UTP4: variants seen among roughly 807,000 people sequenced by gnomAD.
UTP4 encodes the protein UTP4 small subunit processome component.
In UTP4, 45 loss-of-function variants were observed where a neutral mutation model predicts 82.4. The ratio of observed to expected loss-of-function variants is 0.55; its 90% CI spans 0.43 to 0.70. The LOEUF is 0.70. Ranked by LOEUF, UTP4 falls within the 30% of genes least tolerant of loss-of-function variation. The probability of loss-of-function intolerance (pLI) is 0.00; values close to 1 mark genes in which losing one functional copy is unlikely to be tolerated. For synonymous variants in UTP4, 348 were observed against 300.3 expected (o/e 1.16, Z -1.64); for missense variants, 819 against 858.3 (o/e 0.95, Z 0.57).
chr16:69,168,644 T>C (rs1963762862), intron 16 of UTP4, among the ~76,000 whole-genome samples, 177 bp from the exon 17 acceptor site: 1 of 152,028 alleles, frequency 6.6e-6, no homozygotes, highest in Non-Finnish European at 1.5e-5. Flanking sequence ...AAAAAAAGCT[T>C]TTATGCATTC....
chr16:69,146,995 C>G (rs1324184594), intron 6 of UTP4, among the ~76,000 whole-genome samples: 1 of 127,196 alleles, frequency 7.9e-6, no homozygotes, highest in Non-Finnish European at 1.6e-5. Context: ...GAGCGAGACT[C>G]TGCCTCAAAA....
chr16:69,167,963 T>TA (rs1314113554), intron 16 of UTP4: 3 of 151,978 alleles, frequency 2.0e-5, no homozygotes, highest in African/African-American at 7.3e-5. Flanking sequence ...GCGGTGAGTA[T>TA]GATTGCACCA....
At chr16:69,152,774 C>T (rs1252721371) in intron 8 of UTP4, among the ~76,000 whole-genome samples, 4 of 151,774 alleles carry the variant, frequency 2.6e-5, no homozygotes, top group Non-Finnish European at 5.9e-5. Context: ...TGCCCGGCCT[C>T]GGCTAATTTT....
chr16:69,140,749 A>T (rs1962937848), intron 5 of UTP4, among the ~76,000 whole-genome samples: 1 of 152,006 alleles, frequency 6.6e-6, no homozygotes, highest in East Asian at 1.9e-4. Flanking sequence ...CCTCGAGGCA[A>T]CCACTTGTGA....
At chr16:69,163,585 C>T (rs770097967) in intron 14 of UTP4, among the ~76,000 whole-genome samples, 2 of 151,806 alleles carry the variant, frequency 1.3e-5, no homozygotes, top group African/African-American at 4.8e-5. Context: ...GGAAATCAAG[C>T]CCTAATAAGA....
At chr16:69,143,156 G>A in intron 5 of UTP4, 22 bp from the exon 6 acceptor site, 1 of 1,608,914 alleles carries the variant, frequency 6.2e-7, no homozygotes, top group Non-Finnish European at 8.5e-7. Context: ...CCATTTGAAG[G>A]TGTGCTTTTC....
chr16:69,134,083 C>T (rs905817647), intron 2 of UTP4, among the ~76,000 whole-genome samples: 4 of 152,144 alleles, frequency 2.6e-5, no homozygotes, highest in African/African-American at 7.2e-5. Context: ...ACCTACATGT[C>T]TACATTTGGG....
At chr16:69,161,566 A>G (rs936514615) in intron 13 of UTP4, among the ~76,000 whole-genome samples, 2 of 152,234 alleles carry the variant, frequency 1.3e-5, no homozygotes, top group Non-Finnish European at 1.5e-5. Context: ...TCCCTATTCA[A>G]TGACACATTT....
At chr16:69,148,204 G>A (rs553313722) in intron 6 of UTP4, among the ~76,000 whole-genome samples, 1 of 152,068 alleles carries the variant, frequency 6.6e-6, no homozygotes, top group East Asian at 1.9e-4. Flanking sequence ...CTTGTGATCT[G>A]CCCGCCTCGG....
intron 2 of UTP4, among the ~76,000 whole-genome samples, chr16:69,133,920 C>T (rs1252931764): frequency 6.6e-6 from 1 of 152,188 alleles, no homozygotes; most frequent in East Asian, 1.9e-4. Context: ...AGTCTCAACA[C>T]CATTGCAGCT....
At chr16:69,146,658 C>G (rs1363892450) in intron 6 of UTP4, among the ~76,000 whole-genome samples, 1 of 150,906 alleles carries the variant, frequency 6.6e-6, no homozygotes, top group Non-Finnish European at 1.5e-5. Flanking sequence ...GTCAGGAGTT[C>G]GAGACCAGCC....
chr16:69,147,112 C>T (rs1240248406), intron 6 of UTP4, among the ~76,000 whole-genome samples: 2 of 144,602 alleles, frequency 1.4e-5, no homozygotes, highest in African/African-American at 2.6e-5. Flanking sequence ...GGGAGATAGA[C>T]GTTGCAGTGA....
intron 3 of UTP4, among the ~76,000 whole-genome samples, chr16:69,137,275 A>C (rs1192427196): frequency 6.6e-6 from 1 of 152,210 alleles, no homozygotes. Flanking sequence ...GAGTCCCTTC[A>C]GCAAGTTAAC....
At chr16:69,155,366 A>G (rs1963384438) in intron 10 of UTP4, among the ~76,000 whole-genome samples, 1 of 151,862 alleles carries the variant, frequency 6.6e-6, no homozygotes, top group Non-Finnish European at 1.5e-5. Context: ...GGGTTTCACC[A>G]TGTTGTCCAG....
intron 6 of UTP4, among the ~76,000 whole-genome samples, chr16:69,148,934 AGTTGT>A (rs1312136145): frequency 6.6e-6 from 1 of 151,704 alleles, no homozygotes; most frequent in Non-Finnish European, 1.5e-5. Context: ...TTGTGTTGTG[AGTTGT>A]GTTTTTTTGT....
Position 69,132,670 on chromosome 16 carries a change from A to T in UTP4, c.-22A>T, listed in dbSNP as rs1184509808. On this transcript the variant is annotated 5_prime_UTR_variant, in exon 1 of 17. It adds an upstream start codon to the 5' untranslated region. Transcript: ENST00000314423. The stretch of plus-strand genomic sequence containing the variant: ...GGGCGGAGAGAGGCGAGCACCGGGA[A>T]GGGGAGCGTGGGGCCGCTGGTGAGT... The T allele has an allele frequency of 2.9e-6, 1 of 343,258 alleles. No homozygotes were observed. The highest frequency in any genetic ancestry group is 5.7e-6 in the Non-Finnish European group (1 of 176,802). 21.3% of individuals were successfully genotyped at this position (343,258 alleles called of 1,614,324 possible). A position where few individuals can be genotyped will look rare whatever the true frequency, so the allele number is the denominator to read the frequency against.
intron 4 of UTP4, among the ~76,000 whole-genome samples, chr16:69,138,323 C>G (rs151149888): frequency 6.6e-6 from 1 of 151,710 alleles, no homozygotes; most frequent in African/African-American, 2.4e-5. Context: ...CTGTAATCTC[C>G]GCCTCCCGGC....
intron 5 of UTP4, among the ~76,000 whole-genome samples, chr16:69,141,136 T>C (rs1962948640): frequency 3.3e-5 from 5 of 152,238 alleles, no homozygotes; most frequent in Admixed American, 3.3e-4. Context: ...TCCACTTTTA[T>C]CTTTGTGAAT....
chr16:69,149,877 C>T (rs1963214136), intron 6 of UTP4, among the ~76,000 whole-genome samples: 1 of 151,982 alleles, frequency 6.6e-6, no homozygotes, highest in South Asian at 2.1e-4. Flanking sequence ...TACAGGCATG[C>T]GCCACCACGC....
Sources: allele counts gnomAD v4.1 joint callset (sites outside exome capture counted in the v4.1 genomes callset), GRCh38; gene constraint gnomAD v4.1.1; transcripts MANE v1.5; gene names NCBI Gene and HGNC (gene_info 2026-07-23, HGNC 2026-07-21).